NKAIN2: variants seen among roughly 807,000 people sequenced by gnomAD.
NKAIN2 encodes the protein sodium/potassium transporting ATPase interacting 2.
NKAIN2 carries 14 observed loss-of-function variants against 32.6 expected under a neutral mutation model. The observed-to-expected ratio is 0.43, with a 90% CI of 0.28 to 0.67. NKAIN2 has a LOEUF of 0.67. Among genes scored for constraint, NKAIN2 ranks in the 30% least tolerant of loss-of-function variants. NKAIN2 has a pLI of 0.17. For missense variants in NKAIN2, 198 were observed against 258.3 expected, an observed-to-expected ratio of 0.77 and a Z score of 1.60; for synonymous variants, 80 against 87.2, an observed-to-expected ratio of 0.92 and a Z score of 0.46.
chr6:124,216,653 G>A (rs1006466923), intron 1 of NKAIN2, among the ~76,000 whole-genome samples: 1 of 152,182 alleles, frequency 6.6e-6, no homozygotes, highest in Admixed American at 6.5e-5. Flanking sequence ...GCTATGATGA[G>A]CCTCATGGAG....
intron 3 of NKAIN2, among the ~76,000 whole-genome samples, chr6:124,605,465 G>A (rs577312583): frequency 1.3e-5 from 2 of 152,162 alleles, no homozygotes; most frequent in African/African-American, 2.4e-5. Context: ...GTACAATGAA[G>A]TGGTAAATTG....
intron 1 of NKAIN2, among the ~76,000 whole-genome samples, chr6:123,848,158 G>T (rs1293148989): frequency 6.6e-6 from 1 of 152,286 alleles, no homozygotes; most frequent in African/African-American, 2.4e-5. Flanking sequence ...TTATCGTGTG[G>T]CTGAAAGACA....
rs377478248 is a variant in NKAIN2, at chr6:124,477,495, C to A, written c.273+122148C>A. Reference sequence around the variant, plus strand: ...TGAGAACCAAAAACCTTTTGCAAGGCTGCATATAATCTGTCTGCCTGGATC... The same window carrying A: ...TGAGAACCAAAAACCTTTTGCAAGGATGCATATAATCTGTCTGCCTGGATC... On this transcript the variant is annotated intron_variant, in intron 3 of 6. Transcript: ENST00000368417. Among the ~76,000 whole-genome samples the A allele has an allele frequency of 7.2e-5, 11 of 152,266 alleles. No homozygotes were observed. The East Asian group carries it at 2.1e-3, about 30-fold the overall frequency.
intron 1 of NKAIN2, among the ~76,000 whole-genome samples, chr6:124,059,524 C>T (rs965610193): frequency 2.0e-5 from 3 of 152,146 alleles, no homozygotes; most frequent in Non-Finnish European, 4.4e-5. Flanking sequence ...CTCTCAGAAG[C>T]GTAGAACCTA....
At chr6:124,616,437 C>CTTTTTTTTTTTTTT (rs79406895) in intron 3 of NKAIN2, among the ~76,000 whole-genome samples, 1 of 70,464 alleles carries the variant, frequency 1.4e-5, no homozygotes. Flanking sequence ...TCTTTTCTTT[C>CTTTTTTTTTTTTTT]TTTTTTTTTT....
At chr6:123,969,501 C>T (rs909324289) in intron 1 of NKAIN2, among the ~76,000 whole-genome samples, 7 of 152,100 alleles carry the variant, frequency 4.6e-5, no homozygotes, top group East Asian at 1.9e-4. Context: ...ATGAAGGGAC[C>T]GTTGCACTAG....
At chr6:124,327,388 C>T (rs1199827046) in intron 2 of NKAIN2, among the ~76,000 whole-genome samples, 1 of 152,094 alleles carries the variant, frequency 6.6e-6, no homozygotes, top group Non-Finnish European at 1.5e-5. Context: ...TCTTAATTAG[C>T]TCTAATCATT....
At chr6:123,963,595 ATACT>A (rs1368216706) in intron 1 of NKAIN2, among the ~76,000 whole-genome samples, 1 of 152,198 alleles carries the variant, frequency 6.6e-6, no homozygotes, top group African/African-American at 2.4e-5. Flanking sequence ...AAATACATTA[ATACT>A]TACACAATAG....
chr6:124,132,953 G>A (rs1786551483), intron 1 of NKAIN2, among the ~76,000 whole-genome samples: 1 of 152,186 alleles, frequency 6.6e-6, no homozygotes, highest in Non-Finnish European at 1.5e-5. Context: ...AAAAGAATCT[G>A]AACAGTGGGC....
intron 4 of NKAIN2, among the ~76,000 whole-genome samples, chr6:124,753,080 T>G (rs1003734249): frequency 6.6e-5 from 10 of 152,136 alleles, no homozygotes; most frequent in African/African-American, 2.4e-4. Context: ...ACTTTATCAG[T>G]GTGAAATTCT....
intron 1 of NKAIN2, chr6:124,282,344 C>A: frequency 3.3e-6 from 1 of 298,596 alleles, no homozygotes; most frequent in Non-Finnish European, 6.4e-6. Context: ...TAGGGCCCTT[C>A]TTTTACCTGG....
chr6:124,310,471 T>G (rs959707365), intron 2 of NKAIN2, among the ~76,000 whole-genome samples: 1 of 152,036 alleles, frequency 6.6e-6, no homozygotes, highest in Non-Finnish European at 1.5e-5. Flanking sequence ...GGCTACAGAT[T>G]TTTTTTTCTT....
At chr6:123,871,970 G>C (rs1188033758) in intron 1 of NKAIN2, among the ~76,000 whole-genome samples, 1 of 152,070 alleles carries the variant, frequency 6.6e-6, no homozygotes, top group Admixed American at 6.6e-5. Flanking sequence ...AAGAGCAGTG[G>C]ATTCTAGATT....
At chr6:124,343,433 T>A (rs1009795171) in intron 2 of NKAIN2, among the ~76,000 whole-genome samples, 3 of 151,054 alleles carry the variant, frequency 2.0e-5, no homozygotes, top group Non-Finnish European at 4.4e-5. Context: ...TTGAACTAGT[T>A]TACAGTCCCA....
Position 124,824,483 on chromosome 6 carries a change from T to C in NKAIN2, c.*1254T>C, listed in dbSNP as rs1179533151. Reference sequence around the variant, plus strand: ...TATTATTGTGGCAGAAAAACTGTGCTGTTAACGTAGTTGGCAACAAGATGC... The same window carrying C: ...TATTATTGTGGCAGAAAAACTGTGCCGTTAACGTAGTTGGCAACAAGATGC... On this transcript the variant is annotated 3_prime_UTR_variant, in exon 7 of 7. Coordinates refer to ENST00000368417, the MANE Select transcript of NKAIN2 (RefSeq NM_001040214.3). 6.6e-6 allele frequency: 1 copy of C among 152,182 alleles called. No homozygotes were observed. Among genetic ancestry groups the C allele is most frequent in the African/African-American group, 2.4e-5 (1 of 41,462 alleles). 9.4% of individuals were successfully genotyped at this position (152,182 alleles called of 1,614,324 possible).
At chr6:124,528,761 A>T (rs553980768) in intron 3 of NKAIN2, among the ~76,000 whole-genome samples, 40 of 152,356 alleles carry the variant, frequency 2.6e-4, no homozygotes, top group African/African-American at 8.9e-4. Context: ...CTATTACTTA[A>T]ACAAGTGAAA....
chr6:124,787,305 C>T (rs1779550707), intron 4 of NKAIN2, among the ~76,000 whole-genome samples: 2 of 152,062 alleles, frequency 1.3e-5, no homozygotes, highest in South Asian at 4.1e-4. Flanking sequence ...TACATATGAA[C>T]CCTAGAACTT....
At chr6:124,550,977 T>A (rs981745767) in intron 3 of NKAIN2, among the ~76,000 whole-genome samples, 8 of 152,154 alleles carry the variant, frequency 5.3e-5, no homozygotes, top group African/African-American at 1.9e-4. Context: ...AACCTAATAG[T>A]AGAATTGCAA....
intron 1 of NKAIN2, among the ~76,000 whole-genome samples, chr6:123,860,293 T>A (rs1403813825): frequency 2.0e-5 from 3 of 152,154 alleles, no homozygotes; most frequent in Non-Finnish European, 2.9e-5. Context: ...TTAAAAAAAA[T>A]GCTGGGAATT....
Sources: allele counts gnomAD v4.1 joint callset (sites outside exome capture counted in the v4.1 genomes callset), GRCh38; gene constraint gnomAD v4.1.1; transcripts MANE v1.5; gene names NCBI Gene and HGNC (gene_info 2026-07-23, HGNC 2026-07-21).